XKR6: variants seen among roughly 807,000 people sequenced by gnomAD.
XKR6 encodes XK related 6, also known as XK-related protein 6.
A neutral mutation model predicts 56.7 loss-of-function variants in XKR6; 22 were observed. The observed-to-expected ratio is 0.39, with a 90% CI of 0.28 to 0.55. The LOEUF (loss-of-function observed/expected upper bound fraction) is 0.55. Ranked by LOEUF, XKR6 falls within the 20% of genes least tolerant of loss-of-function variation. The pLI is 0.66. For missense variants in XKR6, 852 were observed against 889.0 expected (o/e 0.96, Z 0.53); for synonymous variants, 524 against 387.8 (o/e 1.35, Z -4.13).
intron 1 of XKR6, among the ~76,000 whole-genome samples, chr8:10,972,743 G>A (rs531270516): frequency 1.3e-5 from 2 of 152,208 alleles, no homozygotes; most frequent in African/African-American, 4.8e-5. Context: ...AGTGGGTACA[G>A]AATTTCAATT....
intron 1 of XKR6, among the ~76,000 whole-genome samples, chr8:11,027,946 A>G (rs1798907128): frequency 6.6e-6 from 1 of 152,124 alleles, no homozygotes; most frequent in African/African-American, 2.4e-5. Context: ...CAATCGATGA[A>G]TCTACATTGA....
chr8:11,009,332 G>C (rs954835349), intron 1 of XKR6, among the ~76,000 whole-genome samples: 1 of 152,126 alleles, frequency 6.6e-6, no homozygotes, highest in Admixed American at 6.5e-5. Flanking sequence ...GTAACATGGA[G>C]AGACCCTGTC....
chr8:10,992,365 C>A (rs1798013518), intron 1 of XKR6, among the ~76,000 whole-genome samples: 1 of 152,146 alleles, frequency 6.6e-6, no homozygotes, highest in East Asian at 1.9e-4. Context: ...AAGACTCCAT[C>A]TATCTGAAAG....
chr8:11,044,468 C>T (rs1336130611), intron 1 of XKR6, among the ~76,000 whole-genome samples: 1 of 152,164 alleles, frequency 6.6e-6, no homozygotes, highest in Non-Finnish European at 1.5e-5. Context: ...TAAAGCTCTC[C>T]TTTCTAAATT....
At chr8:11,169,870 G>A (rs1802277865) in intron 1 of XKR6, among the ~76,000 whole-genome samples, 1 of 152,060 alleles carries the variant, frequency 6.6e-6, no homozygotes, top group African/African-American at 2.4e-5. Flanking sequence ...AAATTTAAAT[G>A]ATTAAAATGG....
In XKR6 at chr8:10,957,581, G is replaced by A. The variant is rs180821241; in HGVS notation, c.765-32751C>T. On this transcript the variant is annotated intron_variant, in intron 1 of 2. Coordinates refer to ENST00000416569, the MANE Select transcript of XKR6 (RefSeq NM_173683.4). ...AGGCAGACCCTGGGATGCTGATGGC[G>A]CAGTCACCAACAGGAAGGAAAATGA... Among the ~76,000 whole-genome samples the A allele has an allele frequency of 2.7e-3, 415 of 152,282 alleles. 4 individuals are homozygous for A. The highest frequency in any genetic ancestry group is 9.7e-3 in the African/African-American group (403 of 41,558).
chr8:11,109,326 A>G (rs1201575363), intron 1 of XKR6: 2 of 152,178 alleles, frequency 1.3e-5, no homozygotes, highest in African/African-American at 4.8e-5. Flanking sequence ...GGGACAGAAG[A>G]CCTTTATTAA....
At chr8:11,163,848 G>C (rs992496712) in intron 1 of XKR6, among the ~76,000 whole-genome samples, 5 of 152,132 alleles carry the variant, frequency 3.3e-5, no homozygotes, top group Admixed American at 2.6e-4. Context: ...GCTAAATGAA[G>C]GGTTGGAACT....
At chr8:10,950,168 G>T (rs370930692) in intron 1 of XKR6, among the ~76,000 whole-genome samples, 1 of 152,138 alleles carries the variant, frequency 6.6e-6, no homozygotes, top group South Asian at 2.1e-4. Context: ...AACAGGTGGG[G>T]GTGGGACTCC....
intron 1 of XKR6, among the ~76,000 whole-genome samples, chr8:11,063,293 A>T (rs1799886668): frequency 1.3e-5 from 2 of 151,916 alleles, no homozygotes; most frequent in Admixed American, 1.3e-4. Flanking sequence ...AATCAAAGTT[A>T]AAAAAATGTA....
chr8:11,187,761 C>T (rs1229910767), intron 1 of XKR6, among the ~76,000 whole-genome samples: 1 of 152,142 alleles, frequency 6.6e-6, no homozygotes, highest in African/African-American at 2.4e-5. Context: ...TGTGGGGGCA[C>T]ATGAAGGCTA....
intron 1 of XKR6, among the ~76,000 whole-genome samples, chr8:11,008,515 G>A (rs991964559): frequency 1.3e-5 from 2 of 148,704 alleles, no homozygotes; most frequent in Middle Eastern, 3.4e-3. Context: ...GCAACTCCTG[G>A]GCTTAAGCCA....
At chr8:10,960,147 G>T (rs144453089) in intron 1 of XKR6, among the ~76,000 whole-genome samples, 1 of 152,048 alleles carries the variant, frequency 6.6e-6, no homozygotes, top group East Asian at 1.9e-4. Context: ...CTTTTCCTAG[G>T]CAGTTAGTTC....
intron 1 of XKR6, among the ~76,000 whole-genome samples, chr8:11,178,126 C>T (rs1802756144): frequency 6.6e-6 from 1 of 152,144 alleles, no homozygotes; most frequent in Non-Finnish European, 1.5e-5. Context: ...CACGAAACCA[C>T]ACCATGGAGA....
chr8:10,938,082 AG>A (rs1801279464), intron 1 of XKR6, among the ~76,000 whole-genome samples: 3 of 152,188 alleles, frequency 2.0e-5, no homozygotes, highest in Non-Finnish European at 4.4e-5. Flanking sequence ...CTCCGAGCCA[AG>A]TGTGGGATAT....
At chr8:10,985,316 G>A (rs958612951) in intron 1 of XKR6, among the ~76,000 whole-genome samples, 1 of 151,996 alleles carries the variant, frequency 6.6e-6, no homozygotes, top group African/African-American at 2.4e-5. Context: ...ATAAAGGAGA[G>A]TTCTCCTGCA....
intron 1 of XKR6, among the ~76,000 whole-genome samples, chr8:10,997,204 G>C (rs1454238790): frequency 6.6e-6 from 1 of 152,104 alleles, no homozygotes; most frequent in Non-Finnish European, 1.5e-5. Flanking sequence ...AAGACACACA[G>C]AGCACCAAGT....
chr8:11,190,967 T>C (rs1803540673), intron 1 of XKR6, among the ~76,000 whole-genome samples: 1 of 152,206 alleles, frequency 6.6e-6, no homozygotes, highest in African/African-American at 2.4e-5. Flanking sequence ...TCCACTCTCC[T>C]TGGATTTTTG....
chr8:10,909,461 G>T (rs1462682246), intron 2 of XKR6, among the ~76,000 whole-genome samples: 1 of 152,078 alleles, frequency 6.6e-6, no homozygotes, highest in Non-Finnish European at 1.5e-5. Flanking sequence ...TCCTGCTTTT[G>T]GTTTTTTATT....
Sources: gnomAD v4.1 joint callset for allele counts (sites outside exome capture counted in the v4.1 genomes callset) on GRCh38, gnomAD v4.1.1 for gene constraint, MANE v1.5 for transcripts, NCBI Gene and HGNC (gene_info 2026-07-23, HGNC 2026-07-21) for gene names.